Variants in TAFA1 observed in about 807,000 individuals in gnomAD.
TAFA1 encodes the protein chemokine-like protein TAFA-1.
Under a neutral mutation model 18.5 loss-of-function variants are expected in TAFA1, and 4 were observed. That is an observed-to-expected ratio of 0.22 (90% confidence interval 0.11 to 0.49). The LOEUF is 0.49. Among genes scored for constraint, TAFA1 ranks in the 20% least tolerant of loss-of-function variants. The probability of loss-of-function intolerance (pLI) is 0.98; values close to 1 mark genes in which losing one functional copy is unlikely to be tolerated. For missense variants in TAFA1, 147 were observed against 169.0 expected (o/e 0.87, Z 0.72); for synonymous variants, 56 against 55.2 (o/e 1.01, Z -0.06).
chr3:68,529,436 T>TAAAAAAAAAAAAAAA (rs533214097), intron 3 of TAFA1, among the ~76,000 whole-genome samples: 2 of 77,050 alleles, frequency 2.6e-5, no homozygotes, highest in Admixed American at 1.7e-4. Context: ...CACCATTCTC[T>TAAAAAAAAAAAAAAA]AAAAAAAAAA....
chr3:68,092,292 G>T (rs2065038708), intron 2 of TAFA1, among the ~76,000 whole-genome samples: 1 of 151,926 alleles, frequency 6.6e-6, no homozygotes. Context: ...CTAGATTTGG[G>T]ATAAAACCTG....
intron 2 of TAFA1, among the ~76,000 whole-genome samples, chr3:68,273,299 G>GT (rs2067713169): frequency 6.6e-6 from 1 of 152,176 alleles, no homozygotes; most frequent in Non-Finnish European, 1.5e-5. Flanking sequence ...CTAAACTTTA[G>GT]CAAGTCGGGG....
chr3:68,091,073 C>T (rs1037618259), intron 2 of TAFA1, among the ~76,000 whole-genome samples: 45 of 152,104 alleles, frequency 3.0e-4, no homozygotes, highest in Non-Finnish European at 8.8e-5. Context: ...AACACTTTTT[C>T]GTTGTCTAAT....
chr3:68,167,261 C>T (rs933932098), intron 2 of TAFA1, among the ~76,000 whole-genome samples: 1 of 152,178 alleles, frequency 6.6e-6, no homozygotes, highest in Non-Finnish European at 1.5e-5. Flanking sequence ...TGTCAGATGA[C>T]TGCTTCAGAA....
chr3:68,084,538 C>T (rs1404907452), intron 2 of TAFA1, among the ~76,000 whole-genome samples: 2 of 152,142 alleles, frequency 1.3e-5, no homozygotes, highest in Non-Finnish European at 2.9e-5. Context: ...TGGCTCACGC[C>T]TGTAATCGCA....
chr3:68,241,169 G>A (rs1292049483), intron 2 of TAFA1, among the ~76,000 whole-genome samples: 1 of 152,058 alleles, frequency 6.6e-6, no homozygotes, highest in Non-Finnish European at 1.5e-5. Context: ...TTGCAAAATA[G>A]TACTTATATT....
At chr3:68,456,383 T>C (rs2071667050) in intron 3 of TAFA1, among the ~76,000 whole-genome samples, 1 of 152,178 alleles carries the variant, frequency 6.6e-6, no homozygotes, top group Admixed American at 6.6e-5. Context: ...AATAGGACAC[T>C]TTCATCTTCA....
At chr3:67,998,189 AG>A in the TAFA1 span, among the ~76,000 whole-genome samples, 1 of 152,250 alleles carries the variant, frequency 6.6e-6, no homozygotes, top group Non-Finnish European at 1.5e-5. Context: ...GATAGGTTAT[AG>A]ATGACTTTTA....
chr3:68,018,541 T>C (rs1324206686), intron 2 of TAFA1, among the ~76,000 whole-genome samples: 1 of 152,202 alleles, frequency 6.6e-6, no homozygotes, highest in African/African-American at 2.4e-5. Context: ...CCAGTAGTAA[T>C]AGAAATGACA....
At chr3:68,530,377 T>A (rs2073172586) in intron 3 of TAFA1, among the ~76,000 whole-genome samples, 1 of 152,230 alleles carries the variant, frequency 6.6e-6, no homozygotes, top group South Asian at 2.1e-4. Context: ...GCCTCTCTTT[T>A]GCTCTATAGC....
At chr3:68,473,399 G>C (rs2072037056) in intron 3 of TAFA1, among the ~76,000 whole-genome samples, 1 of 152,176 alleles carries the variant, frequency 6.6e-6, no homozygotes, top group African/African-American at 2.4e-5. Flanking sequence ...GATAGAAAAT[G>C]AAGAATATTT....
chr3:68,424,940 G>A (rs974581581), intron 3 of TAFA1, among the ~76,000 whole-genome samples: 12 of 151,988 alleles, frequency 7.9e-5, no homozygotes, highest in Non-Finnish European at 7.4e-5. Flanking sequence ...ACTATGATTT[G>A]TTTTTTAGGA....
intron 2 of TAFA1, among the ~76,000 whole-genome samples, chr3:68,025,970 A>T (rs531779915): frequency 3.9e-5 from 6 of 152,156 alleles, no homozygotes; most frequent in Non-Finnish European, 8.8e-5. Flanking sequence ...GATTGTCATC[A>T]GTTTTGATCC....
chr3:68,255,864 C>T (rs1272791530), intron 2 of TAFA1, among the ~76,000 whole-genome samples: 1 of 152,006 alleles, frequency 6.6e-6, no homozygotes, highest in South Asian at 2.1e-4. Context: ...GTCTGTAATA[C>T]ACTGATATTT....
chr3:68,008,447 G>A (rs1159050047), intron 2 of TAFA1, among the ~76,000 whole-genome samples: 3 of 152,180 alleles, frequency 2.0e-5, no homozygotes, highest in African/African-American at 7.2e-5. Context: ...TTTTAGGCAG[G>A]GCTCTGAGGA....
At chr3:68,324,166 CT>C (rs5849824) in intron 2 of TAFA1, among the ~76,000 whole-genome samples, 23,832 of 152,008 alleles carry the variant, frequency 0.16, 2,524 homozygotes, top group East Asian at 0.54. Flanking sequence ...ATAATATAGA[CT>C]TTTTTTCATA....
intron 2 of TAFA1, among the ~76,000 whole-genome samples, chr3:68,266,599 G>A (rs1454554571): frequency 6.6e-6 from 1 of 151,982 alleles, no homozygotes; most frequent in Admixed American, 6.6e-5. Context: ...TTGAAATTCT[G>A]CATTTCTAGA....
chr3:68,062,651 C>G (rs1318628064), intron 2 of TAFA1, among the ~76,000 whole-genome samples: 1 of 152,128 alleles, frequency 6.6e-6, no homozygotes, highest in African/African-American at 2.4e-5. Flanking sequence ...GCTGAAATTC[C>G]TATTCTCTGC....
chr3:68,472,849 A>C (rs547694230), intron 3 of TAFA1, among the ~76,000 whole-genome samples: 66 of 152,296 alleles, frequency 4.3e-4, no homozygotes, highest in Non-Finnish European at 7.1e-4. Context: ...ACTTTGACTA[A>C]TGAAGAATAA....
Sources: gnomAD v4.1 joint callset for allele counts (sites outside exome capture counted in the v4.1 genomes callset) on GRCh38, gnomAD v4.1.1 for gene constraint, MANE v1.5 for transcripts, NCBI Gene and HGNC (gene_info 2026-07-23, HGNC 2026-07-21) for gene names.